The following GRIP1 variants were observed in gnomAD, a reference collection of about 807,000 sequenced individuals.
GRIP1 encodes glutamate receptor interacting protein 1, also known as glutamate receptor-interacting protein 1.
A neutral mutation model predicts 129.9 loss-of-function variants in GRIP1; 45 were observed. The ratio of observed to expected loss-of-function variants is 0.35; its 90% CI spans 0.27 to 0.44. GRIP1 has a LOEUF of 0.44. Among genes scored for constraint, GRIP1 ranks in the 20% least tolerant of loss-of-function variants. The pLI, the probability that GRIP1 is intolerant of heterozygous loss-of-function variation, is 1.00. For missense variants in GRIP1, 1,196 were observed against 1,396.8 expected (o/e 0.86, Z 2.29); for synonymous variants, 530 against 520.8 (o/e 1.02, Z -0.24).
At chr12:66,553,147 T>C (rs1449376324) in intron 2 of GRIP1, among the ~76,000 whole-genome samples, 1 of 152,220 alleles carries the variant, frequency 6.6e-6, no homozygotes, top group Non-Finnish European at 1.5e-5. Flanking sequence ...ATGTTCCCCA[T>C]TGCAGTAAGC....
chr12:66,761,749 T>C (rs1452114239), intron 1 of GRIP1, among the ~76,000 whole-genome samples: 5 of 152,218 alleles, frequency 3.3e-5, no homozygotes, highest in African/African-American at 7.2e-5. Context: ...CGAGGACTTA[T>C]GGTGTTAATA....
chr12:66,465,271 T>C lies in GRIP1; in HGVS notation c.872+4A>G. ...GAAAAGTAGGCACTTTCTACAATAC[T>C]TACCTGTCTGCAATACTTGCAGATT... On this transcript the variant is annotated splice_donor_region_variant and intron_variant, in intron 8 of 24. Coordinates refer to ENST00000359742, the MANE Select transcript of GRIP1 (RefSeq NM_001366722.1). 1 of 1,613,122 alleles carries C rather than the reference T, an allele frequency of 6.2e-7. No individual in the cohort carries two copies. The highest frequency in any genetic ancestry group is 1.1e-5 in the South Asian group (1 of 91,060).
At chr12:66,603,182 G>GA (rs55809755) in intron 1 of GRIP1, among the ~76,000 whole-genome samples, 1,489 of 146,262 alleles carry the variant, frequency 0.01, 28 homozygotes, top group African/African-American at 0.034. Context: ...TTGAACTTTG[G>GA]AAAAAAAAAA....
rs139351230 is a variant in GRIP1 at position 66,940,695 on chromosome 12, C to T, written c.58+128355G>A. Among the ~76,000 whole-genome samples the T allele has an allele frequency of 2.2e-3, 333 of 152,286 alleles. 2 individuals carry two copies. Among genetic ancestry groups the T allele is most frequent in the African/African-American group, 7.3e-3 (302 of 41,568 alleles). On this transcript the variant is annotated intron_variant, in intron 1 of 1. Transcript: ENST00000643019. Reference sequence around the variant, plus strand: ...AGCAGGAAAATCATCAGGGTCATTACAGACTATTGATTCATTTTCTACAAA... The same window carrying T: ...AGCAGGAAAATCATCAGGGTCATTATAGACTATTGATTCATTTTCTACAAA...
In GRIP1 at chr12:66,450,303, CAAAAAAAAAAAAA is replaced by C. The variant is rs143013040; in HGVS notation, c.1355-4808_1355-4796del. On this transcript the variant is annotated intron_variant, in intron 11 of 24. Transcript: ENST00000359742. ...TGGGTGACAGAGTGAGACTCCATCT[CAAAAAAAAAAAAA>C]AAAAAAAAAAAAAAAAAGAAAGAGC... is the stretch of plus-strand genomic sequence containing the variant. Among the ~76,000 whole-genome samples, 34 of 26,822 alleles carry C rather than the reference CAAAAAAAAAAAAA, an allele frequency of 1.3e-3. 1 individual carries two copies. The East Asian group carries it at 0.026, about 20-fold the overall frequency. The allele number at this position is 26,822 out of a possible 152,430, so 17.6% of individuals were successfully genotyped here. A position where few individuals can be genotyped will look rare whatever the true frequency, so the allele number is the denominator to read the frequency against.
intron 1 of GRIP1, among the ~76,000 whole-genome samples, chr12:66,919,217 T>G (rs919445321): frequency 2.0e-5 from 3 of 152,174 alleles, no homozygotes; most frequent in Non-Finnish European, 4.4e-5. Flanking sequence ...ACCCAAGAAC[T>G]AGGAACACAT....
chr12:66,592,724 C>T (rs116148166), intron 2 of GRIP1, among the ~76,000 whole-genome samples: 1,887 of 152,182 alleles, frequency 0.012, 39 homozygotes, highest in African/African-American at 0.044. Flanking sequence ...TTATTAAATG[C>T]CTCATCTCTA....
At chr12:66,645,095 G>A (rs1402718904) in intron 1 of GRIP1, among the ~76,000 whole-genome samples, 4 of 152,006 alleles carry the variant, frequency 2.6e-5, no homozygotes, top group Non-Finnish European at 4.4e-5. Context: ...GTTTTATCAT[G>A]GTATCTTTTT....
At chr12:66,871,123 TA>T (rs113898684) in intron 1 of GRIP1, among the ~76,000 whole-genome samples, 3 of 145,934 alleles carry the variant, frequency 2.1e-5, no homozygotes, top group African/African-American at 7.2e-5. Context: ...GGAACCCTGC[TA>T]TTAGAATTGG....
At chr12:66,366,805 T>C (rs1272758724) in intron 23 of GRIP1, among the ~76,000 whole-genome samples, 1 of 152,166 alleles carries the variant, frequency 6.6e-6, no homozygotes, top group Non-Finnish European at 1.5e-5. Flanking sequence ...CGCCTCAGCC[T>C]CTTCAGTAGT....
chr12:66,461,419 C>A (rs887059392), intron 9 of GRIP1, among the ~76,000 whole-genome samples: 1 of 152,176 alleles, frequency 6.6e-6, no homozygotes, highest in African/African-American at 2.4e-5. Flanking sequence ...ACTTAAACAG[C>A]TTCAGAAATC....
intron 16 of GRIP1, among the ~76,000 whole-genome samples, chr12:66,403,564 A>AATGAGT (rs2137633593): frequency 6.6e-6 from 1 of 152,326 alleles, no homozygotes; most frequent in South Asian, 2.1e-4. Context: ...ACCATGTCTG[A>AATGAGT]ATGAGTATAT....
intron 1 of GRIP1, among the ~76,000 whole-genome samples, chr12:66,778,839 G>T (rs2038069276): frequency 6.6e-6 from 1 of 152,170 alleles, no homozygotes; most frequent in Admixed American, 6.5e-5. Flanking sequence ...AGGGAAAGGG[G>T]AATCAATGGA....
chr12:66,401,045 G>GTTAC (rs1205208877), intron 16 of GRIP1, among the ~76,000 whole-genome samples: 24 of 152,312 alleles, frequency 1.6e-4, no homozygotes, highest in African/African-American at 4.8e-4. Context: ...CACTACCTGA[G>GTTAC]TTACATTCCT....
At chr12:66,976,128 T>A (rs2042148160) in intron 1 of GRIP1, among the ~76,000 whole-genome samples, 1 of 152,148 alleles carries the variant, frequency 6.6e-6, no homozygotes, top group Non-Finnish European at 1.5e-5. Flanking sequence ...GTATGTAGAT[T>A]TTAAATTTTG....
chr12:66,939,622 T>C (rs566880044), intron 1 of GRIP1, among the ~76,000 whole-genome samples: 2 of 152,164 alleles, frequency 1.3e-5, no homozygotes, highest in Non-Finnish European at 2.9e-5. Context: ...AAACAGTTCA[T>C]TCAGCATAAT....
At chr12:66,606,640 C>T (rs946631664) in intron 1 of GRIP1, among the ~76,000 whole-genome samples, 2 of 152,110 alleles carry the variant, frequency 1.3e-5, no homozygotes, top group African/African-American at 4.8e-5. Flanking sequence ...ACAGATAATT[C>T]CATTTTACAA....
chr12:66,584,467 G>A (rs1463020109), intron 2 of GRIP1, among the ~76,000 whole-genome samples: 2 of 152,168 alleles, frequency 1.3e-5, no homozygotes, highest in African/African-American at 2.4e-5. Context: ...CAGCTACTCG[G>A]GAGGCTGAGG....
chr12:66,843,439 G>A (rs2039756437), intron 1 of GRIP1, among the ~76,000 whole-genome samples: 1 of 151,938 alleles, frequency 6.6e-6, no homozygotes, highest in African/African-American at 2.4e-5. Context: ...ATTTTAGCAT[G>A]GATTTTTTGG....
Sources: allele counts gnomAD v4.1 joint callset (sites outside exome capture counted in the v4.1 genomes callset), GRCh38; gene constraint gnomAD v4.1.1; transcripts MANE v1.5; gene names NCBI Gene and HGNC (gene_info 2026-07-23, HGNC 2026-07-21).